The following ZFHX3 variants were observed in gnomAD, a reference collection of about 807,000 sequenced individuals.
ZFHX3 encodes the protein zinc finger homeobox protein 3.
Under a neutral mutation model 279.1 loss-of-function variants are expected in ZFHX3, and 42 were observed. The ratio of observed to expected loss-of-function variants is 0.15; its 90% CI spans 0.12 to 0.19. The LOEUF (loss-of-function observed/expected upper bound fraction) is 0.19. Among genes scored for constraint, ZFHX3 ranks in the 10% least tolerant of loss-of-function variants. The probability of loss-of-function intolerance (pLI) is 1.00; values close to 1 mark genes in which losing one functional copy is unlikely to be tolerated. For missense variants in ZFHX3, 4,981 were observed against 4,754.0 expected (o/e 1.05, Z -1.40); for synonymous variants, 2,293 against 1,957.8 (o/e 1.17, Z -4.52).
intron 7 of ZFHX3, chr16:72,807,676 A>C (rs1408563313): frequency 6.6e-6 from 1 of 152,174 alleles, no homozygotes; most frequent in Non-Finnish European, 1.5e-5. Context: ...ACTGAACCGA[A>C]CTCAAGCTAA....
chr16:73,721,551 CTG>C (rs2053473843), intron 1 of ZFHX3, among the ~76,000 whole-genome samples: 1 of 152,192 alleles, frequency 6.6e-6, no homozygotes, highest in Admixed American at 6.5e-5. Flanking sequence ...GAAATCCTAA[CTG>C]GACTGTGAAG....
chr16:73,243,243 A>G (rs1422634508), intron 5 of ZFHX3, among the ~76,000 whole-genome samples: 3 of 152,236 alleles, frequency 2.0e-5, no homozygotes, highest in Non-Finnish European at 2.9e-5. Flanking sequence ...CGTCCACTTC[A>G]TCACATAAGA....
intron 4 of ZFHX3, among the ~76,000 whole-genome samples, chr16:72,875,104 G>C (rs531214172): frequency 2.3e-4 from 35 of 152,340 alleles, no homozygotes; most frequent in Admixed American, 5.2e-4. Context: ...TTCCGTTTTA[G>C]TGCTCATACA....
In ZFHX3 at chr16:73,678,746, G is replaced by T. The variant is rs926418983; in HGVS notation, c.-1547+1434C>A. On this transcript the variant is annotated intron_variant, in intron 2 of 17. Coordinates refer to the ZFHX3 transcript ENST00000641206. Reference sequence around the variant, plus strand: ...TGATTACACAGAACTGTATATATTCGCTCTGTGCACTGGACAGGAGTTTTT... The same window carrying T: ...TGATTACACAGAACTGTATATATTCTCTCTGTGCACTGGACAGGAGTTTTT... 2.0e-5 allele frequency among the ~76,000 whole-genome samples: 3 copies of T among 152,152 alleles called. No homozygotes were observed. The East Asian group carries it at 5.8e-4, about 29-fold the overall frequency.
chr16:73,593,273 G>A (rs902477256), intron 2 of ZFHX3, among the ~76,000 whole-genome samples: 4 of 152,006 alleles, frequency 2.6e-5, no homozygotes, highest in African/African-American at 4.8e-5. Context: ...CAGATTTCAT[G>A]AGGCTAGCAA....
chr16:73,347,539 C>G (rs1422677110), intron 3 of ZFHX3, among the ~76,000 whole-genome samples: 2 of 152,226 alleles, frequency 1.3e-5, no homozygotes, highest in African/African-American at 2.4e-5. Flanking sequence ...CAACCAGGAG[C>G]AGGGAGGCTC....
At chr16:73,446,932 G>A (rs2018196978) in intron 3 of ZFHX3, among the ~76,000 whole-genome samples, 1 of 152,066 alleles carries the variant, frequency 6.6e-6, no homozygotes, top group South Asian at 2.1e-4. Context: ...TGTAATCCCA[G>A]CACTTTAGGA....
intron 2 of ZFHX3, among the ~76,000 whole-genome samples, chr16:73,662,006 AT>A (rs371669198): frequency 2.1e-3 from 295 of 141,858 alleles, no homozygotes; most frequent in African/African-American, 7.1e-3. Flanking sequence ...CAACGGACCA[AT>A]TTTTTTTTTT....
chr16:73,254,641 G>C (rs2013609435), intron 5 of ZFHX3, among the ~76,000 whole-genome samples: 2 of 151,964 alleles, frequency 1.3e-5, no homozygotes, highest in African/African-American at 2.4e-5. Flanking sequence ...TTAAAACCAA[G>C]AAATTGACAT....
At chr16:73,585,252 C>G (rs1276545052) in intron 2 of ZFHX3, among the ~76,000 whole-genome samples, 9 of 152,118 alleles carry the variant, frequency 5.9e-5, no homozygotes, top group Admixed American at 5.9e-4. Flanking sequence ...CCCATCTCAA[C>G]TAAAAATACA....
intron 1 of ZFHX3, among the ~76,000 whole-genome samples, chr16:72,969,378 A>T (rs1382005818): frequency 2.6e-5 from 4 of 152,118 alleles, no homozygotes; most frequent in Admixed American, 2.6e-4. Flanking sequence ...CACGTAATAC[A>T]ATACTGAGCC....
chr16:73,345,861 G>C (rs2016114363), intron 3 of ZFHX3, among the ~76,000 whole-genome samples: 1 of 152,116 alleles, frequency 6.6e-6, no homozygotes, highest in African/African-American at 2.4e-5. Context: ...GGTGACACCA[G>C]CCCAGGGCCC....
chr16:73,175,516 A>C (rs1967643660), intron 5 of ZFHX3, among the ~76,000 whole-genome samples: 2 of 152,190 alleles, frequency 1.3e-5, no homozygotes, highest in African/African-American at 4.8e-5. Flanking sequence ...TAGAGTGAGG[A>C]TGTAACAACG....
intron 1 of ZFHX3, among the ~76,000 whole-genome samples, chr16:73,851,068 C>T (rs1241720588): frequency 6.6e-6 from 1 of 152,158 alleles, no homozygotes; most frequent in Non-Finnish European, 1.5e-5. Flanking sequence ...TTACAAGAGA[C>T]CACAATATCT....
intron 2 of ZFHX3, among the ~76,000 whole-genome samples, chr16:73,522,595 G>A (rs1416024708): frequency 6.6e-6 from 1 of 152,154 alleles, no homozygotes; most frequent in Admixed American, 6.5e-5. Context: ...TCCAATCCCA[G>A]AGCAGGAAAC....
intron 1 of ZFHX3, among the ~76,000 whole-genome samples, chr16:73,870,396 C>T (rs1962129398): frequency 6.6e-6 from 1 of 152,176 alleles, no homozygotes; most frequent in East Asian, 1.9e-4. Context: ...TGCATCTGTT[C>T]AGTCCTACGG....
At chr16:73,239,437 A>G (rs148352640) in intron 5 of ZFHX3, among the ~76,000 whole-genome samples, 80 of 152,358 alleles carry the variant, frequency 5.3e-4, no homozygotes, top group Admixed American at 1.4e-3. Flanking sequence ...CAAGGTTACT[A>G]TTAGAAAAAT....
intron 2 of ZFHX3, among the ~76,000 whole-genome samples, chr16:73,520,278 C>G (rs573863585): frequency 1.4e-4 from 21 of 152,256 alleles, no homozygotes; most frequent in African/African-American, 5.1e-4. Flanking sequence ...ATTTTCTGAA[C>G]TTTCCATAAA....
chr16:73,503,544 C>T (rs981152954), intron 2 of ZFHX3, among the ~76,000 whole-genome samples: 2 of 152,230 alleles, frequency 1.3e-5, no homozygotes, highest in South Asian at 2.1e-4. Flanking sequence ...CATCCATTCT[C>T]CTCCAGTTCC....
Sources: gnomAD v4.1 joint callset for allele counts (sites outside exome capture counted in the v4.1 genomes callset) on GRCh38, gnomAD v4.1.1 for gene constraint, MANE v1.5 for transcripts, NCBI Gene and HGNC (gene_info 2026-07-23, HGNC 2026-07-21) for gene names.